The following EDIL3 variants were observed in gnomAD, a reference collection of about 807,000 sequenced individuals.
EDIL3 encodes the protein EGF like and discoidin domains 3.
EDIL3 carries 37 observed loss-of-function variants against 67.4 expected under a neutral mutation model. That is an observed-to-expected ratio of 0.55 (90% CI 0.42 to 0.72). The LOEUF is 0.72. EDIL3 is among the 30% of genes least tolerant of loss of function. The probability of loss-of-function intolerance (pLI) is 0.00; values close to 1 mark genes in which losing one functional copy is unlikely to be tolerated. For synonymous variants in EDIL3, 195 were observed against 196.3 expected (o/e 0.99, Z 0.05); for missense variants, 527 against 586.3 (o/e 0.90, Z 1.04).
At chr5:84,318,051 C>T (rs1312682432) in intron 1 of EDIL3, among the ~76,000 whole-genome samples, 1 of 152,170 alleles carries the variant, frequency 6.6e-6, no homozygotes, top group African/African-American at 2.4e-5. Flanking sequence ...AGTAAAGTAC[C>T]ATTCACAATT....
At chr5:84,030,360 T>A (rs1195738622) in intron 9 of EDIL3, among the ~76,000 whole-genome samples, 1 of 152,192 alleles carries the variant, frequency 6.6e-6, no homozygotes, top group Admixed American at 6.5e-5. Context: ...ATTTTTTTCA[T>A]GTTCAACCTT....
At chr5:84,147,058 T>C (rs1376056436) in intron 4 of EDIL3, among the ~76,000 whole-genome samples, 1 of 152,084 alleles carries the variant, frequency 6.6e-6, no homozygotes, top group East Asian at 1.9e-4. Context: ...ACAGATCCCC[T>C]GCTTGGTATG....
intron 1 of EDIL3, among the ~76,000 whole-genome samples, chr5:84,321,068 C>A (rs1047549133): frequency 6.6e-5 from 10 of 152,198 alleles, no homozygotes; most frequent in Middle Eastern, 3.4e-3. Context: ...AAAGTTTGAG[C>A]TACATTGTAT....
Position 84,373,866 on chromosome 5 carries a change from G to A in EDIL3, c.67+10442C>T, listed in dbSNP as rs536107232. Among the ~76,000 whole-genome samples the A allele has an allele frequency of 6.8e-4, 103 of 152,250 alleles. No homozygotes were observed. The Middle Eastern group carries it at 0.01, about 15-fold the overall frequency. ...GTAGCTGAGTAATTTCATGTGATGC[G>A]AAAATCTAATAAATAGCATTGCCAG... On this transcript the variant is annotated intron_variant, in intron 1 of 10. Transcript: ENST00000296591.
rs1359235531 is a variant in EDIL3, at chr5:84,251,991, A to G, written c.196+2093T>C. ...TAACTATCCAATTTCTGAATATCAG[A>G]GATGTATACTAATATGTAATAATGA... On this transcript the variant is annotated intron_variant, in intron 2 of 10. Transcript: ENST00000296591. Among the ~76,000 whole-genome samples the G allele has an allele frequency of 6.0e-4, 92 of 152,320 alleles. 1 individual carries two copies. Among genetic ancestry groups the G allele is most frequent in the Non-Finnish European group, 7.3e-5 (5 of 68,032 alleles).
At chr5:84,014,075 T>C (rs887134653) in intron 9 of EDIL3, among the ~76,000 whole-genome samples, 2 of 152,182 alleles carry the variant, frequency 1.3e-5, no homozygotes, top group African/African-American at 4.8e-5. Flanking sequence ...CTTACTCCTA[T>C]GTAGGATGAT....
At chr5:83,996,707 C>T (rs185229190) in intron 9 of EDIL3, among the ~76,000 whole-genome samples, 2 of 152,190 alleles carry the variant, frequency 1.3e-5, no homozygotes, top group East Asian at 3.9e-4. Context: ...GGGAATATTC[C>T]ACAGGATGCA....
intron 9 of EDIL3, among the ~76,000 whole-genome samples, chr5:83,992,277 T>A (rs567256940): frequency 5.3e-4 from 81 of 152,276 alleles, no homozygotes; most frequent in Non-Finnish European, 9.4e-4. Flanking sequence ...TGTTCAAAAG[T>A]CTATTTCATG....
intron 3 of EDIL3, among the ~76,000 whole-genome samples, chr5:84,200,335 C>T (rs1465912198): frequency 6.6e-6 from 1 of 151,798 alleles, no homozygotes; most frequent in Non-Finnish European, 1.5e-5. Context: ...TCAATCATGA[C>T]TATATGTAAA....
intron 3 of EDIL3, among the ~76,000 whole-genome samples, chr5:84,210,033 A>G (rs1320889326): frequency 6.6e-6 from 1 of 152,234 alleles, no homozygotes; most frequent in Non-Finnish European, 1.5e-5. Context: ...AAGTATAAAA[A>G]GTATATTCAC....
chr5:84,362,197 T>G (rs1747625042), intron 1 of EDIL3, among the ~76,000 whole-genome samples: 1 of 152,168 alleles, frequency 6.6e-6, no homozygotes. Context: ...TTTGCTTTAT[T>G]ACACACCTTT....
intron 2 of EDIL3, among the ~76,000 whole-genome samples, chr5:84,253,305 T>A (rs1341209185): frequency 6.6e-6 from 1 of 152,244 alleles, no homozygotes; most frequent in Non-Finnish European, 1.5e-5. Flanking sequence ...TCTTGTACTC[T>A]TCGTGGTACT....
chr5:84,197,476 A>G (rs146427372), intron 3 of EDIL3, among the ~76,000 whole-genome samples: 2 of 152,146 alleles, frequency 1.3e-5, no homozygotes, highest in Non-Finnish European at 2.9e-5. Flanking sequence ...TCTGGCCAAC[A>G]TAGTGAAACC....
At chr5:84,253,308 G>A (rs548782119) in intron 2 of EDIL3, among the ~76,000 whole-genome samples, 2 of 152,212 alleles carry the variant, frequency 1.3e-5, no homozygotes, top group South Asian at 2.1e-4. Flanking sequence ...TGTACTCTTC[G>A]TGGTACTAAT....
intron 4 of EDIL3, among the ~76,000 whole-genome samples, chr5:84,175,138 T>C (rs1405989971): frequency 6.6e-6 from 1 of 152,170 alleles, no homozygotes; most frequent in Non-Finnish European, 1.5e-5. Flanking sequence ...CCATGTCTCA[T>C]TGCCTGGTTC....
chr5:84,190,577 G>T (rs1743563108), intron 3 of EDIL3, among the ~76,000 whole-genome samples: 1 of 61,814 alleles, frequency 1.6e-5, no homozygotes, highest in Admixed American at 1.4e-4. Flanking sequence ...GTGTGTGTGT[G>T]TGTATATATA....
At chr5:84,079,139 G>A (rs1746918154) in intron 6 of EDIL3, among the ~76,000 whole-genome samples, 1 of 152,138 alleles carries the variant, frequency 6.6e-6, no homozygotes, top group African/African-American at 2.4e-5. Context: ...ATCCTGTAGG[G>A]TGTCACATCA....
At chr5:84,286,022 T>C (rs2112112700) in intron 1 of EDIL3, among the ~76,000 whole-genome samples, 1 of 152,248 alleles carries the variant, frequency 6.6e-6, no homozygotes, top group East Asian at 1.9e-4. Context: ...CATGGGAATT[T>C]TTTTCATGGA....
intron 3 of EDIL3, among the ~76,000 whole-genome samples, chr5:84,192,466 T>G (rs999682393): frequency 6.6e-6 from 1 of 152,018 alleles, no homozygotes; most frequent in African/African-American, 2.4e-5. Flanking sequence ...CTCTGCAGCC[T>G]TAAATGCCAA....
Sources: gnomAD v4.1 joint callset for allele counts (sites outside exome capture counted in the v4.1 genomes callset) on GRCh38, gnomAD v4.1.1 for gene constraint, MANE v1.5 for transcripts, NCBI Gene and HGNC (gene_info 2026-07-23, HGNC 2026-07-21) for gene names.